The following CNTN4 variants were observed in gnomAD, a reference collection of about 807,000 sequenced individuals.
The protein encoded by CNTN4 is contactin-4.
In CNTN4, 77 loss-of-function variants were observed where a neutral mutation model predicts 122.5. The observed-to-expected ratio is 0.63, with a 90% CI of 0.52 to 0.76. The LOEUF is 0.76. Ranked by LOEUF, CNTN4 falls within the 30% of genes least tolerant of loss-of-function variation. The pLI, the probability that CNTN4 is intolerant of heterozygous loss-of-function variation, is 0.00. For synonymous variants in CNTN4, 512 were observed against 447.0 expected (o/e 1.15, Z -1.83); for missense variants, 1,256 against 1,259.1 (o/e 1.00, Z 0.04).
chr3:2,780,099 T>C (rs1475580949), intron 6 of CNTN4, among the ~76,000 whole-genome samples: 1 of 152,254 alleles, frequency 6.6e-6, no homozygotes, highest in Non-Finnish European at 1.5e-5. Flanking sequence ...TTAGTGTGTA[T>C]ATCTGATGTG....
intron 3 of CNTN4, among the ~76,000 whole-genome samples, chr3:2,560,620 A>G (rs2078911103): frequency 6.6e-6 from 1 of 152,236 alleles, no homozygotes; most frequent in Non-Finnish European, 1.5e-5. Flanking sequence ...CTGGAGGATC[A>G]GAAATAACTT....
At chr3:2,892,795 A>T (rs1056807543) in intron 10 of CNTN4, among the ~76,000 whole-genome samples, 4 of 152,240 alleles carry the variant, frequency 2.6e-5, no homozygotes, top group South Asian at 2.1e-4. Flanking sequence ...TGTATTTCAC[A>T]GAATCCAGTA....
At chr3:3,005,733 C>G (rs1247222748) in intron 14 of CNTN4, among the ~76,000 whole-genome samples, 1 of 53,650 alleles carries the variant, frequency 1.9e-5, no homozygotes, top group African/African-American at 5.6e-5. Flanking sequence ...GCACTAATTC[C>G]ATTCATGAGG....
At chr3:2,884,387 G>A (rs112323502) in intron 9 of CNTN4, among the ~76,000 whole-genome samples, 8 of 152,142 alleles carry the variant, frequency 5.3e-5, no homozygotes, top group East Asian at 3.9e-4. Context: ...TTTTCAAGTC[G>A]TGACAAATAA....
intron 3 of CNTN4, among the ~76,000 whole-genome samples, chr3:2,360,064 A>G (rs1452654840): frequency 6.6e-6 from 1 of 152,208 alleles, no homozygotes; most frequent in Non-Finnish European, 1.5e-5. Context: ...TCTCATAAGC[A>G]CTTTCACATA....
At chr3:2,558,401 T>C (rs575113882) in intron 3 of CNTN4, among the ~76,000 whole-genome samples, 95 of 152,334 alleles carry the variant, frequency 6.2e-4, no homozygotes, top group African/African-American at 2.0e-3. Context: ...CGCCTGCCTT[T>C]TGTGATCCTG....
chr3:2,970,406 A>G (rs1241428455), intron 13 of CNTN4, among the ~76,000 whole-genome samples: 1 of 152,148 alleles, frequency 6.6e-6, no homozygotes, highest in Non-Finnish European at 1.5e-5. Flanking sequence ...CTAATAGGCT[A>G]CTATTGACTA....
At chr3:2,820,611 T>G (rs2092841724) in intron 7 of CNTN4, among the ~76,000 whole-genome samples, 1 of 152,120 alleles carries the variant, frequency 6.6e-6, no homozygotes, top group Non-Finnish European at 1.5e-5. Flanking sequence ...TTTGGTTGGT[T>G]CCTCTGACAA....
intron 4 of CNTN4, among the ~76,000 whole-genome samples, chr3:2,648,590 C>G (rs1263184404): frequency 6.6e-6 from 1 of 152,186 alleles, no homozygotes; most frequent in South Asian, 2.1e-4. Context: ...GGCTGCCCCA[C>G]TGGCTGGCCT....
At chr3:2,772,526 T>G (rs1173551030) in intron 6 of CNTN4, among the ~76,000 whole-genome samples, 2 of 151,920 alleles carry the variant, frequency 1.3e-5, no homozygotes, top group African/African-American at 2.4e-5. Flanking sequence ...GGTTGGAGAT[T>G]AAGAGGTGGC....
At chr3:2,440,831 A>G (rs1444848645) in intron 3 of CNTN4, among the ~76,000 whole-genome samples, 3 of 147,736 alleles carry the variant, frequency 2.0e-5, no homozygotes, top group Non-Finnish European at 3.0e-5. Context: ...ATATAACTAT[A>G]TATATTTTAT....
At chr3:2,477,775 A>C (rs2075873408) in intron 3 of CNTN4, among the ~76,000 whole-genome samples, 1 of 152,166 alleles carries the variant, frequency 6.6e-6, no homozygotes, top group Non-Finnish European at 1.5e-5. Context: ...GGAGGGACTA[A>C]TTTCCATCAC....
chr3:2,600,511 C>T (rs1284719854), intron 4 of CNTN4, among the ~76,000 whole-genome samples: 2 of 152,090 alleles, frequency 1.3e-5, no homozygotes, highest in Non-Finnish European at 2.9e-5. Context: ...TCATCCATGT[C>T]CCTGCAAAGG....
chr3:2,647,605 T>C (rs1253723837), intron 4 of CNTN4, among the ~76,000 whole-genome samples: 1 of 152,174 alleles, frequency 6.6e-6, no homozygotes, highest in Non-Finnish European at 1.5e-5. Context: ...TTACACCTCA[T>C]ATTTGTTGTT....
At chr3:2,748,826 C>A (rs879502861) in intron 6 of CNTN4, among the ~76,000 whole-genome samples, 1 of 152,118 alleles carries the variant, frequency 6.6e-6, no homozygotes, top group African/African-American at 2.4e-5. Flanking sequence ...TAGATCATTC[C>A]GCTTCCCTGC....
chr3:2,889,897 G>T (rs934607806), intron 10 of CNTN4, among the ~76,000 whole-genome samples: 1 of 152,178 alleles, frequency 6.6e-6, no homozygotes, highest in African/African-American at 2.4e-5. Flanking sequence ...AATCAACTTT[G>T]TCACTGGCTC....
At chr3:2,291,483 G>C (rs978791781) in intron 2 of CNTN4, among the ~76,000 whole-genome samples, 4 of 152,096 alleles carry the variant, frequency 2.6e-5, no homozygotes, top group African/African-American at 9.7e-5. Flanking sequence ...AATAAAGTAT[G>C]TTAAAAGAAC....
At chr3:3,044,241 CA>C (rs1038357126) in intron 23 of CNTN4, among the ~76,000 whole-genome samples, 9 of 152,160 alleles carry the variant, frequency 5.9e-5, no homozygotes, top group Non-Finnish European at 1.3e-4. Context: ...AGCCTTCTTG[CA>C]GCAATCAAAA....
chr3:2,945,213 G>C (rs143164305), intron 13 of CNTN4, among the ~76,000 whole-genome samples: 4 of 152,224 alleles, frequency 2.6e-5, no homozygotes, highest in Admixed American at 2.0e-4. Context: ...CCTTATCATA[G>C]GAAGAAACAT....
Sources: gnomAD v4.1 joint callset for allele counts (sites outside exome capture counted in the v4.1 genomes callset) on GRCh38, gnomAD v4.1.1 for gene constraint, MANE v1.5 for transcripts, NCBI Gene and HGNC (gene_info 2026-07-23, HGNC 2026-07-21) for gene names.